MMP26: variants seen among roughly 807,000 people sequenced by gnomAD.
The protein encoded by MMP26 is matrix metalloproteinase-26.
In MMP26, 33 loss-of-function variants were observed where a neutral mutation model predicts 31.0. The observed-to-expected ratio is 1.06, with a 90% CI of 0.81 to 1.42. MMP26 has a LOEUF of 1.42. MMP26 is among the 40% of genes most tolerant of loss of function. The pLI is 0.00. For synonymous variants in MMP26, 122 were observed against 114.9 expected, an observed-to-expected ratio of 1.06 and a Z score of -0.40; for missense variants, 347 against 316.1, an observed-to-expected ratio of 1.10 and a Z score of -0.74.
At chr11:4,723,588 A>G in intron 1 of MMP26, 2 of 1,020,120 alleles carry the variant, frequency 2.0e-6, no homozygotes, top group South Asian at 2.5e-5. Context: ...CTTCATCCAC[A>G]TCCTTCTTGA....
At chr11:4,923,922 G>A (rs777287911) in intron 2 of MMP26, 2 of 1,614,152 alleles carry the variant, frequency 1.2e-6, no homozygotes, top group Non-Finnish European at 1.7e-6. Context: ...ATACATGCAG[G>A]TGTCAGGACG....
At chr11:4,751,370 A>G (rs1848444871) in intron 1 of MMP26, among the ~76,000 whole-genome samples, 1 of 152,190 alleles carries the variant, frequency 6.6e-6, no homozygotes, top group Non-Finnish European at 1.5e-5. Context: ...TATGAAAATT[A>G]TGAGGAGAGA....
At chr11:4,706,944 A>C (rs1329680326) in intron 1 of MMP26, among the ~76,000 whole-genome samples, 1 of 152,212 alleles carries the variant, frequency 6.6e-6, no homozygotes, top group Non-Finnish European at 1.5e-5. Context: ...ATTCTATTAC[A>C]TGTATGTCTT....
intron 1 of MMP26, chr11:4,719,705 CAGAG>C (rs1847985517): frequency 2.6e-5 from 4 of 152,140 alleles, no homozygotes; most frequent in African/African-American, 4.8e-5. Flanking sequence ...ACTGTGAACT[CAGAG>C]AGATTAATAT....
intron 2 of MMP26, among the ~76,000 whole-genome samples, chr11:4,948,745 A>G (rs1450353493): frequency 8.0e-6 from 1 of 124,516 alleles, no homozygotes; most frequent in Non-Finnish European, 1.8e-5. Context: ...TTACTTGACT[A>G]AAGAGTGGAA....
At chr11:4,821,675 G>A (rs1849502985) in intron 2 of MMP26, 2 of 1,613,896 alleles carry the variant, frequency 1.2e-6, no homozygotes, top group Non-Finnish European at 1.7e-6. Flanking sequence ...ACTACCCTTG[G>A]TGTCTTCTGG....
chr11:4,974,066 A>C (rs1846703074), intron 2 of MMP26, among the ~76,000 whole-genome samples: 1 of 152,060 alleles, frequency 6.6e-6, no homozygotes, highest in African/African-American at 2.4e-5. Flanking sequence ...ACTCAACTAG[A>C]AACAAAAAAC....
chr11:4,824,364 C>A (rs1221586717), intron 2 of MMP26, among the ~76,000 whole-genome samples: 1 of 152,086 alleles, frequency 6.6e-6, no homozygotes, highest in Non-Finnish European at 1.5e-5. Context: ...CTCTGACAGC[C>A]ATTCTAGCCT....
In MMP26 at chr11:4,850,505, A is replaced by G. The variant is rs542723533; in HGVS notation, c.-145+83164A>G. Among the ~76,000 whole-genome samples, 4 of 152,320 alleles carry G rather than the reference A, an allele frequency of 2.6e-5. No homozygotes were observed. The East Asian group carries it at 7.7e-4, about 29-fold the overall frequency. On this transcript the variant is annotated intron_variant, in intron 2 of 7. Transcript: ENST00000380390. ...TTATAATTTTAACAAGAAGGACTGG[A>G]CACACACCATAGTCATATTTTCTTC...
At chr11:4,983,777 T>A (rs773281492) in intron 2 of MMP26, among the ~76,000 whole-genome samples, 1 of 152,238 alleles carries the variant, frequency 6.6e-6, no homozygotes, top group Non-Finnish European at 1.5e-5. Flanking sequence ...TTCTGCCTCA[T>A]AACTACTTAA....
At chr11:4,922,862 G>A (rs1308395647) in intron 2 of MMP26, among the ~76,000 whole-genome samples, 1 of 152,038 alleles carries the variant, frequency 6.6e-6, no homozygotes, top group African/African-American at 2.4e-5. Context: ...GTTTAGTAAA[G>A]ACTATCATGA....
intron 1 of MMP26, among the ~76,000 whole-genome samples, chr11:4,758,644 A>T (rs1848534371): frequency 1.3e-5 from 2 of 152,252 alleles, no homozygotes; most frequent in South Asian, 2.1e-4. Flanking sequence ...AAAACCAAAG[A>T]TATAAACTGT....
intron 2 of MMP26, among the ~76,000 whole-genome samples, chr11:4,893,308 T>C (rs577486580): frequency 4.4e-4 from 67 of 152,314 alleles, no homozygotes; most frequent in Non-Finnish European, 7.9e-4. Flanking sequence ...TTTCTCTTTA[T>C]GTTTACATTA....
chr11:4,828,687 T>C (rs908243745), intron 2 of MMP26, among the ~76,000 whole-genome samples: 32 of 152,302 alleles, frequency 2.1e-4, no homozygotes, highest in Non-Finnish European at 3.8e-4. Flanking sequence ...ATAATCTAAC[T>C]AGGTCTGCAA....
intron 2 of MMP26, among the ~76,000 whole-genome samples, chr11:4,935,530 A>G (rs1427016805): frequency 6.6e-6 from 1 of 151,324 alleles, no homozygotes; most frequent in African/African-American, 2.4e-5. Flanking sequence ...AAACAGGGAC[A>G]ATTTGACTTC....
At chr11:4,956,555 A>T (rs1846446147) in intron 2 of MMP26, among the ~76,000 whole-genome samples, 1 of 152,158 alleles carries the variant, frequency 6.6e-6, no homozygotes. Flanking sequence ...TGGCTTGTGT[A>T]TTTCTCCTCT....
Position 4,875,602 on chromosome 11 carries a change from A to G in MMP26, c.-145+108261A>G, listed in dbSNP as rs558057615. On this transcript the variant is annotated intron_variant, in intron 2 of 7. Coordinates refer to ENST00000380390, the MANE Select transcript of MMP26 (RefSeq NM_021801.5). The stretch of plus-strand genomic sequence containing the variant: ...TCTTCAATGTCAATAATTCATGTCC[A>G]GTCCTGCTCAAGCTGCCATCTTTCT... The G allele has an allele frequency of 2.6e-5, 4 of 152,198 alleles. No individual in the cohort carries two copies. In the East Asian group the frequency reaches 7.8e-4, roughly 30 times the overall value. The allele number at this position is 152,198 out of a possible 1,614,324, so 9.4% of individuals were successfully genotyped here.
intron 2 of MMP26, chr11:4,890,568 G>A (rs185040817): frequency 1.5e-3 from 233 of 152,404 alleles, no homozygotes; most frequent in Non-Finnish European, 2.2e-3. Context: ...GGTGGTAATC[G>A]CAATTTCAGA....
intron 2 of MMP26, among the ~76,000 whole-genome samples, chr11:4,883,592 T>A (rs1327830287): frequency 6.6e-6 from 1 of 152,148 alleles, no homozygotes; most frequent in African/African-American, 2.4e-5. Flanking sequence ...AATATAGTTC[T>A]AATCCTGATT....
Sources: allele counts gnomAD v4.1 joint callset (sites outside exome capture counted in the v4.1 genomes callset), GRCh38; gene constraint gnomAD v4.1.1; transcripts MANE v1.5; gene names NCBI Gene and HGNC (gene_info 2026-07-23, HGNC 2026-07-21).